NETO2: variants seen among roughly 807,000 people sequenced by gnomAD.
NETO2 encodes the protein neuropilin and tolloid-like protein 2.
In NETO2, 28 loss-of-function variants were observed where a neutral mutation model predicts 62.5. That is an observed-to-expected ratio of 0.45 (90% CI 0.33 to 0.61). The LOEUF is 0.61. Among genes scored for constraint, NETO2 ranks in the 20% least tolerant of loss-of-function variants. The probability of loss-of-function intolerance (pLI) is 0.02; values close to 1 mark genes in which losing one functional copy is unlikely to be tolerated. For missense variants in NETO2, 548 were observed against 643.2 expected (o/e 0.85, Z 1.60); for synonymous variants, 214 against 219.1 (o/e 0.98, Z 0.21).
chr16:47,096,238 T>G (rs1963424928), intron 7 of NETO2, among the ~76,000 whole-genome samples: 1 of 152,130 alleles, frequency 6.6e-6, no homozygotes, highest in African/African-American at 2.4e-5. Flanking sequence ...TAGTTTAACT[T>G]TATACCTTAA....
In NETO2 at chr16:47,109,713, T is replaced by C; in HGVS notation, c.655-2A>G. On this transcript the variant is annotated splice_acceptor_variant, in intron 6 of 8. Transcript: ENST00000562435. LOFTEE classifies it high-confidence loss of function. Reference sequence around the variant, plus strand: ...ATAATCTAGGAACCTCAAATAAATCTGTAATATTAACACAAAAACACTGCT... The same window carrying C: ...ATAATCTAGGAACCTCAAATAAATCCGTAATATTAACACAAAAACACTGCT... The C allele has an allele frequency of 6.3e-7, 1 of 1,590,794 alleles. No homozygotes were observed. Among genetic ancestry groups the C allele is most frequent in the East Asian group, 2.2e-5 (1 of 44,754 alleles).
At chr16:47,105,449 G>C (rs891807006) in intron 7 of NETO2, among the ~76,000 whole-genome samples, 3 of 151,992 alleles carry the variant, frequency 2.0e-5, no homozygotes, top group Non-Finnish European at 2.9e-5. Flanking sequence ...TGATTTCTTG[G>C]ATATCACACC....
intron 7 of NETO2, among the ~76,000 whole-genome samples, chr16:47,088,618 CTAA>C (rs879945248): frequency 7.9e-5 from 12 of 151,816 alleles, no homozygotes; most frequent in African/African-American, 1.7e-4. Flanking sequence ...TTTTACTTGA[CTAA>C]TGAGATTTTT....
chr16:47,098,172 T>G (rs997517278), intron 7 of NETO2, among the ~76,000 whole-genome samples: 6 of 152,254 alleles, frequency 3.9e-5, no homozygotes, highest in African/African-American at 1.4e-4. Context: ...GGATGGAGAA[T>G]GAATTTGATG....
At chr16:47,128,289 G>C (rs771480990) in intron 4 of NETO2, 36 bp downstream of exon 4, 1 of 1,591,336 alleles carries the variant, frequency 6.3e-7, no homozygotes, top group Admixed American at 1.8e-5. Context: ...GTTAGAGTGA[G>C]ATGCCCAACC....
rs141742429 is a variant in NETO2, at chr16:47,083,326, G to A, written c.1473C>T (p.Cys491=). Residue 491 remains cysteine, a synonymous_variant, in exon 9 of 9, where the codon TGC becomes TGT. Coordinates refer to ENST00000562435, the MANE Select transcript of NETO2 (RefSeq NM_018092.5). ...CTCGGTCTTCCAGGGCCTGCTCAGGGCACTCATGTCCCTGTTTGAAAGTGT... is the reference window on the plus strand; with the variant it reads ...CTCGGTCTTCCAGGGCCTGCTCAGGACACTCATGTCCCTGTTTGAAAGTGT... The part of the protein sequence containing the change: ...SSYTFKQGHE[C]PEQALEDRVM... 7 of 1,614,186 alleles carry A rather than the reference G, an allele frequency of 4.3e-6. No individual in the cohort carries two copies. Among genetic ancestry groups the A allele is most frequent in the Non-Finnish European group, 5.9e-6 (7 of 1,180,032 alleles).
At chr16:47,089,956 T>G (rs1963278562) in intron 7 of NETO2, among the ~76,000 whole-genome samples, 1 of 152,198 alleles carries the variant, frequency 6.6e-6, no homozygotes, top group South Asian at 2.1e-4. Context: ...TACTACCTAT[T>G]TTATCTAGTT....
At chr16:47,091,294 A>G (rs1233132492) in intron 7 of NETO2, among the ~76,000 whole-genome samples, 1 of 152,222 alleles carries the variant, frequency 6.6e-6, no homozygotes, top group Non-Finnish European at 1.5e-5. Context: ...ATTAGTTAAT[A>G]TAAAGATATC....
At position 47,140,728 on chromosome 16, in the gene NETO2, T is replaced by C. The variant is rs150219367; in HGVS notation, c.34+2851A>G. 5.3e-4 allele frequency among the ~76,000 whole-genome samples: 80 copies of C among 152,358 alleles called. No individual in the cohort carries two copies. The East Asian group carries it at 0.015, about 28-fold the overall frequency. ...GACAAGTTTTTCAGTACCACACTTA[T>C]TTCTGTATAACTAGTTTATAGTCCT... On this transcript the variant is annotated intron_variant, in intron 1 of 8. Coordinates refer to ENST00000562435, the MANE Select transcript of NETO2 (RefSeq NM_018092.5).
intron 4 of NETO2, among the ~76,000 whole-genome samples, chr16:47,127,732 T>C (rs980085192): frequency 6.6e-6 from 1 of 152,216 alleles, no homozygotes; most frequent in Non-Finnish European, 1.5e-5. Flanking sequence ...TTTGAGGTAA[T>C]TAGTTATGGC....
chr16:47,143,415 AG>A (rs1316717196), intron 1 of NETO2, among the ~76,000 whole-genome samples, 163 bp downstream of exon 1: 1 of 151,844 alleles, frequency 6.6e-6, no homozygotes, highest in Non-Finnish European at 1.5e-5. Flanking sequence ...GGAGCCGGGC[AG>A]GGCTCGCGCC....
intron 7 of NETO2, among the ~76,000 whole-genome samples, chr16:47,107,794 T>G (rs1362894520): frequency 6.6e-6 from 1 of 152,158 alleles, no homozygotes; most frequent in Non-Finnish European, 1.5e-5. Context: ...AATTTTTTTT[T>G]GAGACAGTCT....
In NETO2 at chr16:47,081,152, TTAAA is replaced by T. The variant is rs1301577364; in HGVS notation, c.*2065_*2068del. On this transcript the variant is annotated 3_prime_UTR_variant, in exon 9 of 9. Coordinates refer to ENST00000562435, the MANE Select transcript of NETO2 (RefSeq NM_018092.5). ...ATTATTTGCTATTATAATCTAAAGA[TTAAA>T]TATAGGTTTAACAGCTATTTTAAAA... The T allele has an allele frequency of 1.3e-5, 2 of 152,164 alleles. No individual in the cohort carries two copies. The highest frequency in any genetic ancestry group is 4.8e-5 in the African/African-American group (2 of 41,462). 9.4% of individuals were successfully genotyped at this position (152,164 alleles called of 1,614,324 possible).
At chr16:47,143,510 G>A (rs1184295921) in intron 1 of NETO2, 69 bp downstream of exon 1, 2 of 1,214,066 alleles carry the variant, frequency 1.6e-6, no homozygotes, top group African/African-American at 1.6e-5. Context: ...ACGCAGAGGC[G>A]CGGGCAGGGC....
At chr16:47,138,106 A>C (rs1207013421) in intron 1 of NETO2, among the ~76,000 whole-genome samples, 1 of 152,170 alleles carries the variant, frequency 6.6e-6, no homozygotes, top group East Asian at 1.9e-4. Flanking sequence ...CTTTCTTTAA[A>C]AACACTTGCC....
chr16:47,107,123 A>G (rs1963693287), intron 7 of NETO2, among the ~76,000 whole-genome samples: 2 of 152,244 alleles, frequency 1.3e-5, no homozygotes, highest in Non-Finnish European at 2.9e-5. Context: ...GTAAAAGAAT[A>G]ATGCTGTCCT....
chr16:47,117,258 T>C (rs905413358), intron 6 of NETO2, among the ~76,000 whole-genome samples: 1 of 152,212 alleles, frequency 6.6e-6, no homozygotes, highest in Non-Finnish European at 1.5e-5. Flanking sequence ...TGCTCCCTTA[T>C]ACAAGATGCA....
intron 6 of NETO2, 133 bp downstream of exon 6, chr16:47,122,524 A>G: frequency 1.0e-6 from 1 of 964,446 alleles, no homozygotes; most frequent in Non-Finnish European, 1.5e-6. Flanking sequence ...TAAGTGAAAT[A>G]AAATACATTT....
At chr16:47,089,781 C>T (rs1372797686) in intron 7 of NETO2, among the ~76,000 whole-genome samples, 1 of 152,184 alleles carries the variant, frequency 6.6e-6, no homozygotes, top group Non-Finnish European at 1.5e-5. Flanking sequence ...TATCATAAAA[C>T]TGTATCATAC....
Sources: gnomAD v4.1 joint callset for allele counts (sites outside exome capture counted in the v4.1 genomes callset) on GRCh38, gnomAD v4.1.1 for gene constraint, MANE v1.5 for transcripts, NCBI Gene and HGNC (gene_info 2026-07-23, HGNC 2026-07-21) for gene names.